Variants in RAB2A observed in about 807,000 individuals in gnomAD.
The protein encoded by RAB2A is ras-related protein Rab-2A.
RAB2A carries 7 observed loss-of-function variants against 32.5 expected under a neutral mutation model. That is an observed-to-expected ratio of 0.22 (90% CI 0.12 to 0.40). RAB2A has a LOEUF of 0.40. Ranked by LOEUF, RAB2A falls within the 10% of genes least tolerant of loss-of-function variation. RAB2A has a pLI of 1.00. For missense variants in RAB2A, 108 were observed against 260.7 expected (o/e 0.41, Z 4.03); for synonymous variants, 79 against 85.2 (o/e 0.93, Z 0.40).
intron 1 of RAB2A, among the ~76,000 whole-genome samples, chr8:60,540,624 C>T (rs1467314566): frequency 2.6e-5 from 4 of 152,148 alleles, no homozygotes; most frequent in Non-Finnish European, 4.4e-5. Flanking sequence ...GGATTACAGG[C>T]ATGTGCCACC....
chr8:60,599,921 A>T (rs1586107790), intron 6 of RAB2A, among the ~76,000 whole-genome samples: 1 of 152,174 alleles, frequency 6.6e-6, no homozygotes, highest in Non-Finnish European at 1.5e-5. Context: ...GCTTTCAAAA[A>T]CTTTAGCCTT....
intron 5 of RAB2A, chr8:60,591,608 G>T: frequency 3.4e-6 from 1 of 297,798 alleles, no homozygotes; most frequent in Non-Finnish European, 6.4e-6. Context: ...GCTCCCTTAA[G>T]TTACGGCTAG....
At position 60,603,023 on chromosome 8, in the gene RAB2A, A is replaced by G. The variant is rs1414062418; in HGVS notation, c.474+11054A>G. ...GTGATGGGTTAAGAATAAGGCAGGT[A>G]TTCTAATGACACATCCCACTTGTCT... On this transcript the variant is annotated intron_variant, in intron 6 of 7. Transcript: ENST00000262646. Among the ~76,000 whole-genome samples the G allele has an allele frequency of 1.5e-4, 23 of 152,192 alleles. 1 individual carries two copies. The highest frequency in any genetic ancestry group is 1.5e-5 in the Non-Finnish European group (1 of 68,038).
chr8:60,539,602 C>T (rs139565498), intron 1 of RAB2A, among the ~76,000 whole-genome samples: 102 of 152,208 alleles, frequency 6.7e-4, no homozygotes, highest in Non-Finnish European at 1.2e-3. Flanking sequence ...GGACTAAATG[C>T]AATTGTGAAG....
intron 1 of RAB2A, among the ~76,000 whole-genome samples, chr8:60,521,959 G>T (rs1807309276): frequency 6.6e-6 from 1 of 152,116 alleles, no homozygotes; most frequent in South Asian, 2.1e-4. Context: ...TTGGAGCATT[G>T]GTTCACATGC....
intron 2 of RAB2A, among the ~76,000 whole-genome samples, chr8:60,566,801 C>T (rs1168846540): frequency 6.6e-6 from 1 of 152,130 alleles, no homozygotes; most frequent in Non-Finnish European, 1.5e-5. Flanking sequence ...CTGTTATTTC[C>T]ATCTTTATGT....
At chr8:60,588,630 T>G (rs1447560681) in intron 5 of RAB2A, among the ~76,000 whole-genome samples, 1 of 152,196 alleles carries the variant, frequency 6.6e-6, no homozygotes, top group African/African-American at 2.4e-5. Flanking sequence ...TGTGTACTAA[T>G]CTGTAGTGGC....
Position 60,517,082 on chromosome 8 carries a change from C to T in RAB2A, c.-126C>T. 1 of 1,017,642 alleles carries T rather than the reference C, an allele frequency of 9.8e-7. No individual in the cohort carries two copies. The highest frequency in any genetic ancestry group is 1.4e-6 in the Non-Finnish European group (1 of 738,234). The allele number at this position is 1,017,642 out of a possible 1,614,324, so 63.0% of individuals were successfully genotyped here. ...ACAGCCCCTCACTCCCGGCGGCTGA[C>T]AGCAGCAGCGGCGGCGGCGGGCGGC... is the stretch of plus-strand genomic sequence containing the variant. On this transcript the variant is annotated 5_prime_UTR_variant, in exon 1 of 8. Transcript: ENST00000262646.
chr8:60,592,736 G>A (rs928095589), intron 6 of RAB2A, among the ~76,000 whole-genome samples: 1 of 152,072 alleles, frequency 6.6e-6, no homozygotes, highest in Non-Finnish European at 1.5e-5. Context: ...GTGTTTGGAG[G>A]TAGTATGTAT....
At chr8:60,517,615 G>A (rs1807228822) in intron 1 of RAB2A, among the ~76,000 whole-genome samples, 1 of 152,076 alleles carries the variant, frequency 6.6e-6, no homozygotes, top group South Asian at 2.1e-4. Context: ...TCTCTTCGCG[G>A]CCCCAGGAAA....
At chr8:60,544,798 G>A (rs1188431026) in intron 1 of RAB2A, among the ~76,000 whole-genome samples, 6 of 152,114 alleles carry the variant, frequency 3.9e-5, no homozygotes, top group African/African-American at 1.4e-4. Context: ...TTGAACACTG[G>A]TGTTAAAACT....
intron 6 of RAB2A, among the ~76,000 whole-genome samples, chr8:60,604,121 A>G (rs1478398736): frequency 6.6e-6 from 1 of 152,058 alleles, no homozygotes; most frequent in Non-Finnish European, 1.5e-5. Context: ...GATTGTTTAA[A>G]AGCATGTAGT....
chr8:60,565,741 C>T (rs1361743152), intron 2 of RAB2A, among the ~76,000 whole-genome samples: 1 of 121,564 alleles, frequency 8.2e-6, no homozygotes, highest in African/African-American at 3.2e-5. Context: ...GACCAAGTCT[C>T]GCTCTGTCAC....
At chr8:60,620,630 A>G (rs769617945) in intron 7 of RAB2A, 44 bp from the exon 8 acceptor site, 28 of 1,373,306 alleles carry the variant, frequency 2.0e-5, no homozygotes, top group Middle Eastern at 1.9e-4. Context: ...TAGTTAAACT[A>G]TATTGTCTGG....
At chr8:60,550,347 G>T (rs890925062) in intron 1 of RAB2A, among the ~76,000 whole-genome samples, 13 of 151,338 alleles carry the variant, frequency 8.6e-5, no homozygotes, top group African/African-American at 3.2e-4. Flanking sequence ...ACCATTTCTA[G>T]CCTTATTGAG....
At chr8:60,547,674 C>A in intron 1 of RAB2A, among the ~76,000 whole-genome samples, 1 of 123,984 alleles carries the variant, frequency 8.1e-6, no homozygotes, top group African/African-American at 2.9e-5. Flanking sequence ...CACCTCCCTC[C>A]CGGACGGGGC....
intron 2 of RAB2A, among the ~76,000 whole-genome samples, chr8:60,561,603 A>G (rs1045932114): frequency 2.0e-5 from 3 of 152,126 alleles, no homozygotes; most frequent in African/African-American, 7.2e-5. Flanking sequence ...ATGTTGGGAA[A>G]TGGCCATTGT....
intron 1 of RAB2A, among the ~76,000 whole-genome samples, chr8:60,547,953 G>A (rs1807770393): frequency 1.1e-5 from 1 of 87,148 alleles, no homozygotes; most frequent in Admixed American, 9.5e-5. Context: ...AGTAGGGGCG[G>A]CCGGGCAGAG....
Position 60,558,834 on chromosome 8 carries a change from T to A in RAB2A, c.47-18T>A. On this transcript the variant is annotated intron_variant, in intron 1 of 7. Transcript: ENST00000262646. ...TTCTGTGAATTTTGTCTCTTATTTA[T>A]TTTTTTTTAACTTTCAGGTGTTGGT... 3 of 1,415,804 alleles carry A rather than the reference T, an allele frequency of 2.1e-6. No individual in the cohort carries two copies. Among genetic ancestry groups the A allele is most frequent in the Non-Finnish European group, 2.9e-6 (3 of 1,018,448 alleles). The allele number at this position is 1,415,804 out of a possible 1,614,324, so 87.7% of individuals were successfully genotyped here.
Sources: gnomAD v4.1 joint callset for allele counts (sites outside exome capture counted in the v4.1 genomes callset) on GRCh38, gnomAD v4.1.1 for gene constraint, MANE v1.5 for transcripts, NCBI Gene and HGNC (gene_info 2026-07-23, HGNC 2026-07-21) for gene names.